The following DPYD variants were observed in gnomAD, a reference collection of about 807,000 sequenced individuals.
DPYD encodes the protein dihydropyrimidine dehydrogenase [NADP(+)].
A neutral mutation model predicts 116.2 loss-of-function variants in DPYD; 109 were observed. That is an observed-to-expected ratio of 0.94 (90% confidence interval 0.80 to 1.10). The LOEUF (loss-of-function observed/expected upper bound fraction) is 1.10, where lower values mean the gene tolerates loss of function less well. Ranked by LOEUF, DPYD falls within the 50% of genes least tolerant of loss-of-function variation. The probability of loss-of-function intolerance (pLI) is 0.00; values close to 1 mark genes in which losing one functional copy is unlikely to be tolerated. For missense variants in DPYD, 1,302 were observed against 1,254.5 expected, an observed-to-expected ratio of 1.04 and a Z score of -0.57; for synonymous variants, 440 against 432.0, an observed-to-expected ratio of 1.02 and a Z score of -0.23.
At chr1:97,581,658 A>C (rs1653682929) in intron 10 of DPYD, among the ~76,000 whole-genome samples, 1 of 148,298 alleles carries the variant, frequency 6.7e-6, no homozygotes, top group Admixed American at 6.8e-5. Flanking sequence ...AGGTGGGAGG[A>C]TCTGTAGAGC....
chr1:97,282,878 G>A (rs1379804563), intron 18 of DPYD, among the ~76,000 whole-genome samples: 4 of 152,044 alleles, frequency 2.6e-5, no homozygotes, highest in African/African-American at 4.8e-5. Context: ...CATCCATGTT[G>A]TTGCAAAGGC....
At chr1:97,813,513 G>A (rs1571400513) in intron 3 of DPYD, among the ~76,000 whole-genome samples, 1 of 152,196 alleles carries the variant, frequency 6.6e-6, no homozygotes, top group South Asian at 2.1e-4. Context: ...CTGAAAGATA[G>A]AGAAAGATGC....
chr1:97,207,402 C>T (rs1179306645), intron 19 of DPYD, among the ~76,000 whole-genome samples: 1 of 152,122 alleles, frequency 6.6e-6, no homozygotes, highest in East Asian at 1.9e-4. Context: ...AGTAACTCTA[C>T]TTCTTCAGCA....
chr1:97,349,450 C>G (rs1272333133), intron 16 of DPYD, among the ~76,000 whole-genome samples: 2 of 151,982 alleles, frequency 1.3e-5, no homozygotes, highest in Non-Finnish European at 2.9e-5. Flanking sequence ...CACCCATTAA[C>G]TCGTCATTTA....
At chr1:97,408,275 G>A (rs183381489) in intron 14 of DPYD, among the ~76,000 whole-genome samples, 8 of 152,244 alleles carry the variant, frequency 5.3e-5, no homozygotes, top group Non-Finnish European at 1.0e-4. Context: ...TACCACCTAC[G>A]ACCACGTGAC....
At chr1:97,163,651 G>A (rs929692219) in intron 20 of DPYD, among the ~76,000 whole-genome samples, 6 of 152,142 alleles carry the variant, frequency 3.9e-5, no homozygotes, top group African/African-American at 1.2e-4. Flanking sequence ...AGAAATGAAT[G>A]CTCTGTCCTC....
intron 10 of DPYD, among the ~76,000 whole-genome samples, chr1:97,590,500 C>T (rs1484757202): frequency 6.6e-6 from 1 of 152,134 alleles, no homozygotes; most frequent in Non-Finnish European, 1.5e-5. Context: ...GATCATGGCC[C>T]TTTCTCTCAT....
intron 12 of DPYD, chr1:97,546,164 G>C (rs1650840715): frequency 3.5e-6 from 5 of 1,436,802 alleles, no homozygotes; most frequent in Non-Finnish European, 4.9e-6. Context: ...CAGAGGAACA[G>C]CCAGCAGAAG....
chr1:97,253,074 T>C (rs1362948510), intron 18 of DPYD, among the ~76,000 whole-genome samples: 1 of 152,140 alleles, frequency 6.6e-6, no homozygotes, highest in Non-Finnish European at 1.5e-5. Flanking sequence ...TAGAGAAACA[T>C]ATTATGATTG....
intron 8 of DPYD, among the ~76,000 whole-genome samples, chr1:97,640,348 T>A (rs1005468573): frequency 2.0e-5 from 3 of 152,060 alleles, no homozygotes; most frequent in African/African-American, 7.2e-5. Context: ...GGAGTCTCTC[T>A]CTCAGGCTGG....
chr1:97,665,708 T>C (rs1323341996), intron 8 of DPYD, among the ~76,000 whole-genome samples: 1 of 152,206 alleles, frequency 6.6e-6, no homozygotes, highest in Non-Finnish European at 1.5e-5. Flanking sequence ...TCAGTAATAC[T>C]TTTCCTATGG....
chr1:97,511,807 C>A (rs550467818), intron 13 of DPYD, among the ~76,000 whole-genome samples: 2 of 151,884 alleles, frequency 1.3e-5, no homozygotes, highest in Admixed American at 1.3e-4. Flanking sequence ...CCGATTTTTA[C>A]GTATCTTCTT....
intron 3 of DPYD, among the ~76,000 whole-genome samples, chr1:97,800,557 C>A (rs181651299): frequency 1.3e-5 from 2 of 152,064 alleles, no homozygotes; most frequent in Admixed American, 1.3e-4. Flanking sequence ...AAACTTTCCT[C>A]TTTCTCTTCC....
At chr1:97,477,698 G>A (rs532649180) in intron 13 of DPYD, among the ~76,000 whole-genome samples, 103 of 145,012 alleles carry the variant, frequency 7.1e-4, no homozygotes, top group African/African-American at 2.6e-3. Flanking sequence ...TCGGCTCACT[G>A]CAAGCTCTGC....
chr1:97,221,836 T>C (rs1173368664), intron 19 of DPYD, among the ~76,000 whole-genome samples: 1 of 152,042 alleles, frequency 6.6e-6, no homozygotes, highest in African/African-American at 2.4e-5. Context: ...ACAACCAACT[T>C]TGTTCATTCA....
chr1:97,920,391 G>T (rs1238326837), intron 1 of DPYD, among the ~76,000 whole-genome samples: 1 of 152,114 alleles, frequency 6.6e-6, no homozygotes, highest in Non-Finnish European at 1.5e-5. Flanking sequence ...TATGACTAGA[G>T]GCGACTGCTA....
intron 18 of DPYD, among the ~76,000 whole-genome samples, chr1:97,300,474 C>A (rs770246085): frequency 1.3e-5 from 2 of 151,962 alleles, no homozygotes; most frequent in Non-Finnish European, 2.9e-5. Flanking sequence ...AAAACAACTT[C>A]CCAATTAAAA....
At chr1:97,883,158 A>G in intron 2 of DPYD, 106 bp downstream of exon 2, 1 of 692,156 alleles carries the variant, frequency 1.4e-6, no homozygotes, top group Non-Finnish European at 2.5e-6. Flanking sequence ...TTTTAAAATC[A>G]CGGCTGTACT....
chr1:97,816,925 G>A (rs1668639563), intron 3 of DPYD, among the ~76,000 whole-genome samples: 1 of 152,150 alleles, frequency 6.6e-6, no homozygotes, highest in Non-Finnish European at 1.5e-5. Context: ...CATAGTATTT[G>A]TATTAATCTA....
Sources: gnomAD v4.1 joint callset for allele counts (sites outside exome capture counted in the v4.1 genomes callset) on GRCh38, gnomAD v4.1.1 for gene constraint, MANE v1.5 for transcripts, NCBI Gene and HGNC (gene_info 2026-07-23, HGNC 2026-07-21) for gene names.